The following ATP6V1H variants were observed in gnomAD, a reference collection of about 807,000 sequenced individuals.
ATP6V1H encodes the protein ATPase H+ transporting V1 subunit H.
ATP6V1H carries 39 observed loss-of-function variants against 71.7 expected under a neutral mutation model. That is an observed-to-expected ratio of 0.54 (90% CI 0.42 to 0.71). The LOEUF is 0.71. Ranked by LOEUF, ATP6V1H falls within the 30% of genes least tolerant of loss-of-function variation. ATP6V1H has a pLI of 0.00. For synonymous variants in ATP6V1H, 192 were observed against 199.3 expected, an observed-to-expected ratio of 0.96 and a Z score of 0.31; for missense variants, 509 against 594.9, an observed-to-expected ratio of 0.86 and a Z score of 1.50.
rs531970114 is a variant in ATP6V1H at position 53,804,027 on chromosome 8, A to G, written c.580-2131T>C. On this transcript the variant is annotated intron_variant, in intron 7 of 13. Transcript: ENST00000359530. ...TTGAAATACATAACACACTACAAGG[A>G]TGGATTCTTGGTTGTTATTTATAGC... Among the ~76,000 whole-genome samples, 8 of 152,292 alleles carry G rather than the reference A, an allele frequency of 5.3e-5. No individual in the cohort carries two copies. In the East Asian group the frequency reaches 1.5e-3, roughly 29 times the overall value.
chr8:53,817,293 T>A (rs1165503423), intron 5 of ATP6V1H, 124 bp downstream of exon 5: 1 of 546,848 alleles, frequency 1.8e-6, no homozygotes, highest in African/African-American at 2.0e-5. Flanking sequence ...ATCCCAGCAC[T>A]TTGGGAGGCC....
At position 53,795,795 on chromosome 8, in the gene ATP6V1H, T is replaced by C; in HGVS notation, c.722A>G (p.Tyr241Cys). 6.2e-7 allele frequency: 1 copy of C among 1,613,708 alleles called. No homozygotes were observed. The highest frequency in any genetic ancestry group is 8.5e-7 in the Non-Finnish European group (1 of 1,179,872). The change falls in exon 9 of 14, where the codon TAT (tyrosine) becomes TGT (cysteine). Residue 241 changes from tyrosine (Y) to cysteine (C), a missense_variant. By Grantham distance (194) the Tyr-to-Cys change is radical. This residue lies in a region of ATP6V1H where 297 missense variants were observed against 303.3 expected (regional missense o/e 0.98). Coordinates refer to ENST00000359530, the MANE Select transcript of ATP6V1H (RefSeq NM_015941.4). ...GAGCCATATTGAAAAAATCATTTGA[T>C]ACTGGAGCTGAAAGCCACACTTGTT... ...LSNKCGFQLQ[Y>C]QMIFSIWLLA...
At chr8:53,779,598 A>C (rs953166018) in intron 9 of ATP6V1H, among the ~76,000 whole-genome samples, 1 of 151,530 alleles carries the variant, frequency 6.6e-6, no homozygotes, top group Non-Finnish European at 1.5e-5. Flanking sequence ...GTTTCAGAAC[A>C]CCTGTTATTT....
chr8:53,788,105 TC>T (rs1437992335), intron 9 of ATP6V1H, among the ~76,000 whole-genome samples: 1 of 152,222 alleles, frequency 6.6e-6, no homozygotes, highest in East Asian at 1.9e-4. Flanking sequence ...CTTTACTATG[TC>T]TTTATCAATG....
intron 5 of ATP6V1H, among the ~76,000 whole-genome samples, chr8:53,816,986 A>C (rs1321051754): frequency 6.6e-6 from 1 of 152,160 alleles, no homozygotes; most frequent in Non-Finnish European, 1.5e-5. Flanking sequence ...CACTCCTTGT[A>C]GTCTACAAAA....
chr8:53,773,974 G>T (rs1334608159), intron 9 of ATP6V1H, among the ~76,000 whole-genome samples: 1 of 152,014 alleles, frequency 6.6e-6, no homozygotes, highest in East Asian at 1.9e-4. Context: ...CCAAGGAGAA[G>T]AATAAAAAGA....
intron 5 of ATP6V1H, among the ~76,000 whole-genome samples, chr8:53,816,010 TAGG>T (rs1810436939): frequency 6.6e-6 from 1 of 152,210 alleles, no homozygotes; most frequent in Non-Finnish European, 1.5e-5. Context: ...GCTATACCAT[TAGG>T]AGGACATTTA....
chr8:53,828,783 C>G (rs1184401589), intron 4 of ATP6V1H, among the ~76,000 whole-genome samples: 1 of 152,108 alleles, frequency 6.6e-6, no homozygotes, highest in Non-Finnish European at 1.5e-5. Context: ...ACAACCCTCC[C>G]TAAACACCCA....
At chr8:53,734,969 C>A (rs565471174) in intron 13 of ATP6V1H, among the ~76,000 whole-genome samples, 1 of 152,324 alleles carries the variant, frequency 6.6e-6, no homozygotes, top group Admixed American at 6.5e-5. Context: ...CATGAGATCA[C>A]CCACCTAGGC....
At chr8:53,757,737 T>C (rs1191553239) in intron 11 of ATP6V1H, among the ~76,000 whole-genome samples, 1 of 152,184 alleles carries the variant, frequency 6.6e-6, no homozygotes, top group Non-Finnish European at 1.5e-5. Flanking sequence ...TCATCTCTTG[T>C]ATAAGAGCCC....
At chr8:53,748,303 TG>T (rs1261858772) in intron 12 of ATP6V1H, among the ~76,000 whole-genome samples, 1 of 152,114 alleles carries the variant, frequency 6.6e-6, no homozygotes. Flanking sequence ...AAAGAGGTAA[TG>T]ATAGTATTCA....
intron 11 of ATP6V1H, among the ~76,000 whole-genome samples, chr8:53,765,454 AACACACACACACACACACACAC>A (rs59822523): frequency 1.6e-3 from 116 of 74,126 alleles, no homozygotes; most frequent in African/African-American, 4.6e-3. Context: ...CAACAACAAC[AACACACACACACACACACACAC>A]ACACACACAC....
At chr8:53,793,836 G>C (rs1809643678) in intron 9 of ATP6V1H, among the ~76,000 whole-genome samples, 1 of 152,154 alleles carries the variant, frequency 6.6e-6, no homozygotes, top group Non-Finnish European at 1.5e-5. Context: ...CTACTCAGGT[G>C]GCTGAGGCAC....
At chr8:53,831,160 A>C (rs1810994012) in intron 3 of ATP6V1H, among the ~76,000 whole-genome samples, 1 of 152,242 alleles carries the variant, frequency 6.6e-6, no homozygotes, top group Non-Finnish European at 1.5e-5. Context: ...GCCATGTGTC[A>C]CTTAACAATG....
At chr8:53,763,493 C>T (rs1456775844) in intron 11 of ATP6V1H, among the ~76,000 whole-genome samples, 1 of 152,164 alleles carries the variant, frequency 6.6e-6, no homozygotes, top group Non-Finnish European at 1.5e-5. Flanking sequence ...ATACCAAATA[C>T]TCCTCAAACT....
chr8:53,740,806 T>C (rs745341945), intron 13 of ATP6V1H, among the ~76,000 whole-genome samples: 3 of 152,226 alleles, frequency 2.0e-5, no homozygotes, highest in Non-Finnish European at 4.4e-5. Context: ...ACTTTCCAAA[T>C]GGTATTCTAT....
At chr8:53,746,913 C>T (rs1807620852) in intron 12 of ATP6V1H, among the ~76,000 whole-genome samples, 1 of 152,142 alleles carries the variant, frequency 6.6e-6, no homozygotes, top group Non-Finnish European at 1.5e-5. Context: ...TCTTGCTAAC[C>T]ATATTTCAAA....
chr8:53,794,013 A>G (rs920174345), intron 9 of ATP6V1H, among the ~76,000 whole-genome samples: 1 of 152,206 alleles, frequency 6.6e-6, no homozygotes, highest in African/African-American at 2.4e-5. Flanking sequence ...TCCAAAAGAA[A>G]TATTCATCAA....
chr8:53,788,356 TTATAAA>T (rs1392405216), intron 9 of ATP6V1H, among the ~76,000 whole-genome samples: 2 of 152,304 alleles, frequency 1.3e-5, no homozygotes, highest in Non-Finnish European at 2.9e-5. Flanking sequence ...AAATTTGAAA[TTATAAA>T]TATAGTTTAA....
Sources: allele counts gnomAD v4.1 joint callset (sites outside exome capture counted in the v4.1 genomes callset), GRCh38; gene constraint gnomAD v4.1.1; regional missense constraint gnomAD v4.1.1; transcripts MANE v1.5; gene names NCBI Gene and HGNC (gene_info 2026-07-23, HGNC 2026-07-21).